The following FUBP3 variants were observed in gnomAD, a reference collection of about 807,000 sequenced individuals.
FUBP3 encodes far upstream element-binding protein 3.
A neutral mutation model predicts 85.6 loss-of-function variants in FUBP3; 28 were observed. That is an observed-to-expected ratio of 0.33 (90% CI 0.24 to 0.45). The LOEUF (loss-of-function observed/expected upper bound fraction) is 0.45, where lower values mean the gene tolerates loss of function less well. FUBP3 is among the 20% of genes least tolerant of loss of function. FUBP3 has a pLI of 1.00. For missense variants in FUBP3, 583 were observed against 755.1 expected, an observed-to-expected ratio of 0.77 and a Z score of 2.67; for synonymous variants, 271 against 271.4, an observed-to-expected ratio of 1.00 and a Z score of 0.01.
Position 130,579,690 on chromosome 9 carries a change from C to T in FUBP3, c.10C>T (p.Leu4=). MAE[L]VQGQSAPVGM... is the part of the protein sequence containing the mutation. ...GGCGGCGGGGGCGGTAATGGCGGAG[C>T]TGGTGCAGGGGCAGAGCGCTCCTGT... The change falls in exon 1 of 19, where the codon CTG becomes TTG. Residue 4 remains leucine (L), a synonymous_variant. Transcript: ENST00000319725. 1 of 1,258,768 alleles carries T rather than the reference C, an allele frequency of 7.9e-7. No individual in the cohort carries two copies. The highest frequency in any genetic ancestry group is 1.5e-5 in the African/African-American group (1 of 65,420). The allele number at this position is 1,258,768 out of a possible 1,614,324, so 78.0% of individuals were successfully genotyped here. A position where few individuals can be genotyped will look rare whatever the true frequency, so the allele number is the denominator to read the frequency against.
chr9:130,606,163 C>T (rs1831418554), intron 2 of FUBP3, among the ~76,000 whole-genome samples: 1 of 152,094 alleles, frequency 6.6e-6, no homozygotes, highest in Admixed American at 6.5e-5. Flanking sequence ...ACACAGGAAG[C>T]CTTTGTAGTG....
intron 16 of FUBP3, among the ~76,000 whole-genome samples, chr9:130,634,267 C>T (rs1490076448): frequency 6.6e-6 from 1 of 152,230 alleles, no homozygotes; most frequent in South Asian, 2.1e-4. Context: ...CACATGGCCC[C>T]TCCACTTCCC....
intron 14 of FUBP3, 120 bp downstream of exon 14, chr9:130,631,750 A>G (rs1830219591): frequency 3.4e-6 from 3 of 887,056 alleles, no homozygotes; most frequent in Non-Finnish European, 3.6e-6. Flanking sequence ...CGTGGGCAGG[A>G]CTCGTTTCTT....
At chr9:130,613,104 C>A in intron 5 of FUBP3, 77 bp downstream of exon 5, 3 of 887,684 alleles carry the variant, frequency 3.4e-6, no homozygotes, top group Non-Finnish European at 5.6e-6. Flanking sequence ...CGGTACTTTG[C>A]TTGTTGCTTG....
intron 1 of FUBP3, among the ~76,000 whole-genome samples, chr9:130,592,608 C>T (rs776528393): frequency 2.0e-5 from 3 of 152,140 alleles, no homozygotes; most frequent in Non-Finnish European, 4.4e-5. Context: ...TTCAGTGGCT[C>T]GATCGTAGCT....
rs574203461 is a variant in FUBP3, at chr9:130,621,977, A to G, written c.772-731A>G. 4.6e-5 allele frequency among the ~76,000 whole-genome samples: 7 copies of G among 151,936 alleles called. No homozygotes were observed. The South Asian group carries it at 1.5e-3, about 32-fold the overall frequency. On this transcript the variant is annotated intron_variant, in intron 9 of 18. Coordinates refer to ENST00000319725, the MANE Select transcript of FUBP3 (RefSeq NM_003934.2). The stretch of plus-strand genomic sequence containing the variant: ...CTAAAAGGGAAAAATGTCCTTTATT[A>G]TATCATTTCCAGGAATGCACTATAA...
At chr9:130,602,123 A>G (rs1475462487) in intron 2 of FUBP3, among the ~76,000 whole-genome samples, 2 of 151,990 alleles carry the variant, frequency 1.3e-5, no homozygotes, top group East Asian at 1.9e-4. Context: ...TAAATTGTAC[A>G]CCATTCTGAG....
intron 1 of FUBP3, among the ~76,000 whole-genome samples, chr9:130,591,216 G>A (rs1830610640): frequency 2.0e-5 from 3 of 152,054 alleles, no homozygotes. Context: ...AGGCTGAGGT[G>A]GGCGGATCAC....
chr9:130,620,522 T>A (rs1187710415), intron 9 of FUBP3, 64 bp downstream of exon 9: 4 of 777,014 alleles, frequency 5.1e-6, no homozygotes, highest in Non-Finnish European at 8.6e-6. Context: ...GTCACACTTT[T>A]GTTAGCTCTT....
At chr9:130,589,705 A>ATTTTTTTTTTTTT (rs779633795) in intron 1 of FUBP3, among the ~76,000 whole-genome samples, 6 of 73,832 alleles carry the variant, frequency 8.1e-5, no homozygotes, top group African/African-American at 4.6e-4. Context: ...ATATATATAT[A>ATTTTTTTTTTTTT]TTTTTTTTTT....
intron 1 of FUBP3, among the ~76,000 whole-genome samples, chr9:130,579,984 A>G (rs1830063710): frequency 2.6e-5 from 4 of 152,216 alleles, no homozygotes; most frequent in Admixed American, 2.6e-4. Context: ...CAGGTGCCTG[A>G]AGTCGCTGGG....
chr9:130,614,423 G>C, intron 6 of FUBP3, 78 bp downstream of exon 6: 1 of 863,680 alleles, frequency 1.2e-6, no homozygotes, highest in Non-Finnish European at 1.9e-6. Context: ...GGGCAACACT[G>C]TTACTGAACA....
chr9:130,579,841 T>C, intron 1 of FUBP3, 77 bp downstream of exon 1: 1 of 816,040 alleles, frequency 1.2e-6, no homozygotes, highest in Non-Finnish European at 1.6e-6. Context: ...GGTTCGGGCC[T>C]GGGGGGCGGG....
At chr9:130,631,374 G>A (rs1281861949) in intron 13 of FUBP3, 183 bp from the exon 14 acceptor site, 3 of 1,391,464 alleles carry the variant, frequency 2.2e-6, no homozygotes, top group Non-Finnish European at 2.8e-6. Context: ...GGTCGCTGGA[G>A]GGCAGAAGCC....
At chr9:130,618,231 T>G (rs1832107828) in intron 8 of FUBP3, among the ~76,000 whole-genome samples, 1 of 152,246 alleles carries the variant, frequency 6.6e-6, no homozygotes, top group East Asian at 1.9e-4. Flanking sequence ...CTCTTGCTGG[T>G]GGCACGGCTC....
intron 2 of FUBP3, among the ~76,000 whole-genome samples, chr9:130,601,000 C>T (rs1831126910): frequency 1.3e-5 from 2 of 152,104 alleles, no homozygotes; most frequent in African/African-American, 4.8e-5. Flanking sequence ...AGCTTGCAGG[C>T]TATGTATCCC....
rs201193874 is a variant in FUBP3 at position 130,626,391 on chromosome 9, G to C, written c.1003G>C (p.Ala335Pro). 250 of 1,613,602 alleles carry C rather than the reference G, an allele frequency of 1.5e-4. No individual in the cohort carries two copies. In the African/African-American group the frequency reaches 3.0e-3, roughly 19 times the overall value. Residue 335 changes from alanine (A) to proline (P), a missense_variant, in exon 12 of 19, where the codon GCA becomes CCA. Ala to Pro is a conservative substitution (Grantham distance 27). Transcript: ENST00000319725. Reference sequence around the variant, plus strand: ...AAGAGACGGCTTTGGAGGCCTGGCAGCAGCCAGAGGAAGAGGTCGTGGCCG... The same window carrying C: ...AAGAGACGGCTTTGGAGGCCTGGCACCAGCCAGAGGAAGAGGTCGTGGCCG... ...QERDGFGGLA[A>P]ARGRGRGRGD...
rs1027459972 is a variant in FUBP3 at position 130,616,792 on chromosome 9, G to C, written c.567+275G>C. Among the ~76,000 whole-genome samples the C allele has an allele frequency of 2.6e-5, 4 of 152,248 alleles. No individual in the cohort carries two copies. The highest frequency in any genetic ancestry group is 9.6e-5 in the African/African-American group (4 of 41,466). ...CTTTTTGGCAGTGAGCTCTGTGAGGGCTGCTTTTATCATCATAGGACAGCA... is the reference window on the plus strand; with the variant it reads ...CTTTTTGGCAGTGAGCTCTGTGAGGCCTGCTTTTATCATCATAGGACAGCA... On this transcript the variant is annotated intron_variant, in intron 7 of 18. Coordinates refer to ENST00000319725, the MANE Select transcript of FUBP3 (RefSeq NM_003934.2). This position sits in a 1 kb window ranked among gnomAD's most constrained non-coding sequence, Gnocchi z 4.7.
rs148675096 is a variant in FUBP3 at position 130,630,500 on chromosome 9, C to G, written c.1118-128C>G. On this transcript the variant is annotated intron_variant, in intron 12 of 18. Coordinates refer to ENST00000319725, the MANE Select transcript of FUBP3 (RefSeq NM_003934.2). The stretch of plus-strand genomic sequence containing the variant: ...TTTGGAGTAAATAGAGACAACTTCT[C>G]TACTGTCAGGGCAAGTGCCGACGTG... The G allele has an allele frequency of 4.6e-4, 289 of 626,488 alleles. 5 individuals are homozygous for G. In the East Asian group the frequency reaches 9.0e-3, roughly 19 times the overall value. The allele number at this position is 626,488 out of a possible 1,614,324, so 38.8% of individuals were successfully genotyped here.
Sources: allele counts gnomAD v4.1 joint callset (sites outside exome capture counted in the v4.1 genomes callset), GRCh38; gene constraint gnomAD v4.1.1; non-coding constraint Gnocchi (gnomAD v3.1); transcripts MANE v1.5; gene names NCBI Gene and HGNC (gene_info 2026-07-23, HGNC 2026-07-21).